Variants in GABRA2 observed in about 807,000 individuals in gnomAD.
GABRA2 encodes the protein gamma-aminobutyric acid type A receptor subunit alpha2.
GABRA2 carries 16 observed loss-of-function variants against 48.7 expected under a neutral mutation model. The ratio of observed to expected loss-of-function variants is 0.33; its 90% CI spans 0.22 to 0.50. The LOEUF is 0.50. Among genes scored for constraint, GABRA2 ranks in the 20% least tolerant of loss-of-function variants. The pLI, the probability that GABRA2 is intolerant of heterozygous loss-of-function variation, is 0.98. For missense variants in GABRA2, 275 were observed against 535.6 expected, an observed-to-expected ratio of 0.51 and a Z score of 4.80; for synonymous variants, 185 against 184.5, an observed-to-expected ratio of 1.00 and a Z score of -0.02.
chr4:46,327,521 A>T (rs969385023), intron 4 of GABRA2, among the ~76,000 whole-genome samples: 3 of 151,956 alleles, frequency 2.0e-5, no homozygotes, highest in Admixed American at 1.3e-4. Flanking sequence ...TTTACTTTTG[A>T]TACAAAGGGT....
At position 46,305,555 on chromosome 4, in the gene GABRA2, T is replaced by A. The variant is rs763072248; in HGVS notation, c.703+13A>T. 1.9e-6 allele frequency: 3 copies of A among 1,609,222 alleles called. No homozygotes were observed. The highest frequency in any genetic ancestry group is 2.5e-6 in the Non-Finnish European group (3 of 1,178,376). The stretch of plus-strand genomic sequence containing the variant: ...CTTAGGCACCAGCTTTTTTAAAGAC[T>A]AATTTTACTAACCTGTACTGGATTT... On this transcript the variant is annotated intron_variant, in intron 7 of 9. Coordinates refer to ENST00000381620, the MANE Select transcript of GABRA2 (RefSeq NM_000807.4).
chr4:46,368,861 A>G, intron 3 of GABRA2: 1 of 499,600 alleles, frequency 2.0e-6, no homozygotes, highest in Non-Finnish European at 3.6e-6. Flanking sequence ...CCTTCATACA[A>G]GAAATGTGCT....
intron 3 of GABRA2, chr4:46,369,057 C>A: frequency 4.3e-6 from 3 of 692,178 alleles, no homozygotes; most frequent in South Asian, 3.0e-5. Flanking sequence ...ATTACATAAT[C>A]AAATCTAACT....
At chr4:46,377,560 G>A (rs1428834687) in intron 3 of GABRA2, among the ~76,000 whole-genome samples, 2 of 151,848 alleles carry the variant, frequency 1.3e-5, no homozygotes, top group African/African-American at 4.8e-5. Flanking sequence ...TCTGGGAAGT[G>A]AGGGGCGTCT....
chr4:46,261,520 C>A, intron 9 of GABRA2: 1 of 240,972 alleles, frequency 4.1e-6, no homozygotes, highest in South Asian at 8.1e-5. Context: ...ACTTAACAGT[C>A]AGACAGGTAG....
intron 5 of GABRA2, among the ~76,000 whole-genome samples, chr4:46,311,885 G>A (rs904599746): frequency 2.6e-5 from 4 of 152,184 alleles, no homozygotes; most frequent in African/African-American, 9.7e-5. Flanking sequence ...GATCACTTGA[G>A]GCCAGGAGTT....
chr4:46,356,961 G>C (rs1242071014), intron 3 of GABRA2, among the ~76,000 whole-genome samples: 1 of 151,768 alleles, frequency 6.6e-6, no homozygotes, highest in African/African-American at 2.4e-5. Flanking sequence ...CAGAAGAGTT[G>C]TGTCCTGTTT....
rs550869479 is a variant in GABRA2 at position 46,376,537 on chromosome 4, G to T, written c.187+9537C>A. On this transcript the variant is annotated intron_variant, in intron 3 of 9. Coordinates refer to ENST00000381620, the MANE Select transcript of GABRA2 (RefSeq NM_000807.4). ...ACAGCGATGGTTGAAAAAACCAACT[G>T]CTATTAACCAAAAATGTTTTCAGAT... is the stretch of plus-strand genomic sequence containing the variant. Among the ~76,000 whole-genome samples the T allele has an allele frequency of 2.6e-5, 4 of 152,224 alleles. No individual in the cohort carries two copies. In the South Asian group the frequency reaches 6.2e-4, roughly 24 times the overall value.
chr4:46,273,502 CAT>C (rs71637683), intron 8 of GABRA2, among the ~76,000 whole-genome samples: 8,055 of 47,018 alleles, frequency 0.17, 317 homozygotes, highest in East Asian at 0.3. Context: ...TATATATATG[CAT>C]ATATATATAT....
chr4:46,308,465 G>T (rs1428091023), intron 6 of GABRA2, among the ~76,000 whole-genome samples: 5 of 152,132 alleles, frequency 3.3e-5, no homozygotes, highest in Non-Finnish European at 7.4e-5. Flanking sequence ...GCCAAACTTT[G>T]TTATGCCAAC....
At chr4:46,347,225 C>T (rs981002820) in intron 3 of GABRA2, among the ~76,000 whole-genome samples, 2 of 151,556 alleles carry the variant, frequency 1.3e-5, no homozygotes, top group African/African-American at 4.8e-5. Flanking sequence ...TGTTCTTCAC[C>T]GAAATAGGAA....
rs1726239225 is a variant in GABRA2, at chr4:46,304,211, T to C, written c.704-599A>G. Among the ~76,000 whole-genome samples, 3 of 152,168 alleles carry C rather than the reference T, an allele frequency of 2.0e-5. No individual in the cohort carries two copies. In the South Asian group the frequency reaches 6.2e-4, roughly 31 times the overall value. On this transcript the variant is annotated intron_variant, in intron 7 of 9. Coordinates refer to ENST00000381620, the MANE Select transcript of GABRA2 (RefSeq NM_000807.4). ...CACTGGTATAAACCTCGTCTCTGTT[T>C]TTGATTGTTCTAACTCAGTGCTCTC...
At chr4:46,330,305 T>C (rs73133212) in intron 4 of GABRA2, among the ~76,000 whole-genome samples, 7,125 of 152,016 alleles carry the variant, frequency 0.047, 569 homozygotes, top group African/African-American at 0.16. Context: ...AATTCAGATA[T>C]AAAGTAGCTA....
chr4:46,332,799 T>A lies in GABRA2; in HGVS notation c.188-117A>T. On this transcript the variant is annotated intron_variant, in intron 3 of 9. Coordinates refer to ENST00000381620, the MANE Select transcript of GABRA2 (RefSeq NM_000807.4). ...GTGTCACAAATTCGGGAGTACTGGGTTTTACTTTCTTGTCAACTTTCGCAA... is the reference window on the plus strand; with the variant it reads ...GTGTCACAAATTCGGGAGTACTGGGATTTACTTTCTTGTCAACTTTCGCAA... 3.5e-6 allele frequency: 2 copies of A among 575,806 alleles called. 1 individual carries two copies. Among genetic ancestry groups the A allele is most frequent in the East Asian group, 6.0e-5 (2 of 33,598 alleles). The allele number at this position is 575,806 out of a possible 1,614,324, so 35.7% of individuals were successfully genotyped here. A position where few individuals can be genotyped will look rare whatever the true frequency, so the allele number is the denominator to read the frequency against.
chr4:46,362,185 T>C (rs1713315102), intron 3 of GABRA2, among the ~76,000 whole-genome samples: 1 of 152,132 alleles, frequency 6.6e-6, no homozygotes, highest in Admixed American at 6.6e-5. Flanking sequence ...TTTGGCTGTA[T>C]AGGAGGAACT....
intron 4 of GABRA2, among the ~76,000 whole-genome samples, chr4:46,328,717 G>A (rs562942215): frequency 6.6e-6 from 1 of 152,040 alleles, no homozygotes; most frequent in Non-Finnish European, 1.5e-5. Flanking sequence ...CCATGCTGGT[G>A]CGCTGCACCC....
intron 8 of GABRA2, among the ~76,000 whole-genome samples, chr4:46,274,939 G>A (rs1197884424): frequency 2.0e-5 from 3 of 151,912 alleles, no homozygotes; most frequent in Admixed American, 1.3e-4. Context: ...ATCTAGTGGT[G>A]GTTTAAGAAA....
chr4:46,262,763 T>A (rs1349890938), intron 8 of GABRA2, among the ~76,000 whole-genome samples: 1 of 151,868 alleles, frequency 6.6e-6, no homozygotes, highest in African/African-American at 2.4e-5. Context: ...CCCAGCGTGG[T>A]GGCAGGTGCC....
intron 3 of GABRA2, among the ~76,000 whole-genome samples, chr4:46,377,902 T>C (rs1578224301): frequency 6.9e-6 from 1 of 144,948 alleles, no homozygotes; most frequent in Non-Finnish European, 1.5e-5. Context: ...GTCCAGGAGG[T>C]GAGGGGCGCC....
Sources: allele counts gnomAD v4.1 joint callset (sites outside exome capture counted in the v4.1 genomes callset), GRCh38; gene constraint gnomAD v4.1.1; transcripts MANE v1.5; gene names NCBI Gene and HGNC (gene_info 2026-07-23, HGNC 2026-07-21).